The following MYO1D variants were observed in gnomAD, a reference collection of about 807,000 sequenced individuals.
The protein encoded by MYO1D is unconventional myosin-Id.
MYO1D carries 83 observed loss-of-function variants against 122.0 expected under a neutral mutation model. That is an observed-to-expected ratio of 0.68 (90% confidence interval 0.57 to 0.82). The LOEUF (loss-of-function observed/expected upper bound fraction) is 0.82, where lower values mean the gene tolerates loss of function less well. Among genes scored for constraint, MYO1D ranks in the 40% least tolerant of loss-of-function variants. The pLI is 0.00. For missense variants in MYO1D, 1,157 were observed against 1,269.5 expected (o/e 0.91, Z 1.35); for synonymous variants, 464 against 446.9 (o/e 1.04, Z -0.48).
chr17:32,773,203 A>G (rs2090136633), intron 4 of MYO1D, among the ~76,000 whole-genome samples: 1 of 152,092 alleles, frequency 6.6e-6, no homozygotes. Context: ...TCTCTTCTCC[A>G]ACCTCTCTTA....
intron 11 of MYO1D, among the ~76,000 whole-genome samples, chr17:32,753,116 C>CT (rs1210409873): frequency 1.3e-5 from 2 of 152,102 alleles, no homozygotes; most frequent in African/African-American, 4.8e-5. Context: ...AAACCATGTC[C>CT]TTTGCAGCAA....
At chr17:32,651,902 G>A (rs536238876) in intron 19 of MYO1D, among the ~76,000 whole-genome samples, 9 of 151,974 alleles carry the variant, frequency 5.9e-5, no homozygotes, top group East Asian at 3.9e-4. Flanking sequence ...GGTCTTGATC[G>A]CTTGACCTCA....
At chr17:32,512,355 G>A (rs1402021627) in intron 21 of MYO1D, among the ~76,000 whole-genome samples, 1 of 151,250 alleles carries the variant, frequency 6.6e-6, no homozygotes, top group Non-Finnish European at 1.5e-5. Context: ...TGGGATGCAA[G>A]ATAAATAATA....
chr17:32,535,914 T>TTAA (rs1910649332), intron 21 of MYO1D, among the ~76,000 whole-genome samples: 1 of 152,222 alleles, frequency 6.6e-6, no homozygotes, highest in Non-Finnish European at 1.5e-5. Flanking sequence ...TAAGCTTAAC[T>TTAA]CTATTCCTGC....
At chr17:32,777,977 T>C (rs1292249371) in intron 3 of MYO1D, among the ~76,000 whole-genome samples, 1 of 152,146 alleles carries the variant, frequency 6.6e-6, no homozygotes, top group African/African-American at 2.4e-5. Flanking sequence ...GAAATTCCAC[T>C]GTCAGTGGAT....
intron 13 of MYO1D, among the ~76,000 whole-genome samples, chr17:32,740,870 T>C (rs978834370): frequency 6.6e-6 from 1 of 152,142 alleles, no homozygotes; most frequent in African/African-American, 2.4e-5. Context: ...GTATGTATAA[T>C]AGGTAAGGCA....
At chr17:32,730,520 T>C (rs1046103654) in intron 14 of MYO1D, among the ~76,000 whole-genome samples, 1 of 150,936 alleles carries the variant, frequency 6.6e-6, no homozygotes, top group Non-Finnish European at 1.5e-5. Context: ...GTTGATAAAC[T>C]CTCTGTTTTT....
intron 10 of MYO1D, chr17:32,756,384 G>C (rs2151013765): frequency 4.8e-6 from 1 of 208,050 alleles, no homozygotes; most frequent in Non-Finnish European, 9.8e-6. Context: ...GCCTTACTCT[G>C]ATTCAGCCTC....
chr17:32,493,751 C>T lies in MYO1D; in HGVS notation c.*1008G>A, dbSNP rs1233449672. On this transcript the variant is annotated 3_prime_UTR_variant, in exon 22 of 22. Transcript: ENST00000318217. ...CCGTGTAGAGGGCGGGGTGGGCATC[C>T]TGGCCTGGCCTGCAGTGCCAGGACC... is the stretch of plus-strand genomic sequence containing the variant. 2 of 151,226 alleles carry T rather than the reference C, an allele frequency of 1.3e-5. No homozygotes were observed. Among genetic ancestry groups the T allele is most frequent in the Non-Finnish European group, 3.0e-5 (2 of 67,742 alleles). The allele number at this position is 151,226 out of a possible 1,614,324, so 9.4% of individuals were successfully genotyped here.
At chr17:32,613,259 A>T (rs2087726458) in intron 20 of MYO1D, among the ~76,000 whole-genome samples, 1 of 152,304 alleles carries the variant, frequency 6.6e-6, no homozygotes. Context: ...ATGCTCTACA[A>T]TATGGAAAAA....
At chr17:32,594,591 G>T in intron 21 of MYO1D, 1 of 650,686 alleles carries the variant, frequency 1.5e-6, no homozygotes, top group Non-Finnish European at 2.8e-6. Context: ...TTATATTATT[G>T]GCCTTTTCAG....
intron 20 of MYO1D, among the ~76,000 whole-genome samples, chr17:32,613,558 G>A (rs891977219): frequency 2.0e-5 from 3 of 151,832 alleles, no homozygotes; most frequent in Admixed American, 6.6e-5. Flanking sequence ...GGCAGATCAC[G>A]AGGTCAGGAG....
chr17:32,773,088 C>T (rs568218631), intron 4 of MYO1D, among the ~76,000 whole-genome samples: 1 of 152,372 alleles, frequency 6.6e-6, no homozygotes, highest in African/African-American at 2.4e-5. Flanking sequence ...TGTCCTCCTG[C>T]TCTTTGCTCT....
Position 32,654,519 on chromosome 17 carries a change from G to T in MYO1D, c.2448C>A (p.Asp816Glu). 3 of 1,614,072 alleles carry T rather than the reference G, an allele frequency of 1.9e-6. No individual in the cohort carries two copies. Among genetic ancestry groups the T allele is most frequent in the Non-Finnish European group, 2.5e-6 (3 of 1,179,980 alleles). The change falls in exon 18 of 22, where the codon GAC becomes GAA. Residue 816 changes from aspartate to glutamate, a missense_variant. Physicochemically the swap from Asp to Glu is conservative, Grantham distance 45. Coordinates refer to ENST00000318217, the MANE Select transcript of MYO1D (RefSeq NM_015194.3). ...CCTCCCAGGCCCTCTGGAGCCCGAG[G>T]TCAGCCCTTTGACCCTTCAACATTT... ...AVEMLKGQRA[D>E]LGLQRAWEGN...
intron 1 of MYO1D, among the ~76,000 whole-genome samples, chr17:32,825,156 G>C (rs1408057468): frequency 1.3e-5 from 2 of 152,162 alleles, no homozygotes; most frequent in Admixed American, 1.3e-4. Flanking sequence ...CGTTGAGCTT[G>C]TTTGGGTGTA....
chr17:32,610,389 G>C (rs559759101), intron 20 of MYO1D, among the ~76,000 whole-genome samples: 1 of 152,310 alleles, frequency 6.6e-6, no homozygotes, highest in East Asian at 1.9e-4. Flanking sequence ...AAGTTGCTCT[G>C]CTACACAAAT....
chr17:32,849,760 A>C (rs975065062), intron 1 of MYO1D, among the ~76,000 whole-genome samples: 2 of 152,162 alleles, frequency 1.3e-5, no homozygotes, highest in African/African-American at 4.8e-5. Flanking sequence ...ACATGTATAC[A>C]TATGTAACTA....
chr17:32,507,186 A>G (rs4795702), intron 21 of MYO1D, among the ~76,000 whole-genome samples: 41,494 of 151,858 alleles, frequency 0.27, 6,229 homozygotes, highest in East Asian at 0.6. Flanking sequence ...GGACTGCTTG[A>G]GCCCAGAAGT....
chr17:32,648,811 T>G (rs996623691), intron 19 of MYO1D, among the ~76,000 whole-genome samples: 1 of 152,252 alleles, frequency 6.6e-6, no homozygotes, highest in Non-Finnish European at 1.5e-5. Flanking sequence ...CCTAAATTTA[T>G]CATTTTCAAT....
Sources: gnomAD v4.1 joint callset for allele counts (sites outside exome capture counted in the v4.1 genomes callset) on GRCh38, gnomAD v4.1.1 for gene constraint, MANE v1.5 for transcripts, NCBI Gene and HGNC (gene_info 2026-07-23, HGNC 2026-07-21) for gene names.